The following GPD2 variants were observed in gnomAD, a reference collection of about 807,000 sequenced individuals.
The protein encoded by GPD2 is glycerol-3-phosphate dehydrogenase, mitochondrial.
In GPD2, 54 loss-of-function variants were observed where a neutral mutation model predicts 82.4. That is an observed-to-expected ratio of 0.66 (90% confidence interval 0.53 to 0.82). GPD2 has a LOEUF of 0.82. Among genes scored for constraint, GPD2 ranks in the 40% least tolerant of loss-of-function variants. GPD2 has a pLI of 0.00. For missense variants in GPD2, 748 were observed against 896.2 expected, an observed-to-expected ratio of 0.83 and a Z score of 2.11; for synonymous variants, 288 against 306.1, an observed-to-expected ratio of 0.94 and a Z score of 0.62.
In GPD2 at chr2:156,549,713, C is replaced by A. The variant is rs368542899; in HGVS notation, c.767C>A (p.Thr256Lys). Reference sequence around the variant, plus strand: ...GAGGTAGTGAGCTTGCTCAAGAAGACAGACCCCCAGACAGGGAAAGTGCGT... The same window carrying A: ...GAGGTAGTGAGCTTGCTCAAGAAGAAAGACCCCCAGACAGGGAAAGTGCGT... ...YMEVVSLLKK[T>K]DPQTGKVRVS... Residue 256 changes from threonine to lysine, a missense_variant, in exon 7 of 17, where the codon ACA becomes AAA. Transcript: ENST00000438166. 6.2e-7 allele frequency: 1 copy of A among 1,613,896 alleles called. No individual in the cohort carries two copies. The highest frequency in any genetic ancestry group is 1.3e-5 in the African/African-American group (1 of 74,938).
chr2:156,530,451 G>C (rs1685806127), intron 6 of GPD2, among the ~76,000 whole-genome samples: 2 of 151,318 alleles, frequency 1.3e-5, no homozygotes, highest in South Asian at 4.2e-4. Context: ...GCCCTGGCCA[G>C]AACTTCCAAC....
intron 6 of GPD2, among the ~76,000 whole-genome samples, chr2:156,537,527 G>A (rs1051186064): frequency 2.6e-5 from 4 of 152,088 alleles, no homozygotes; most frequent in Non-Finnish European, 5.9e-5. Context: ...TAAGTCATAC[G>A]TTTTCAATTT....
chr2:156,446,995 T>C (rs1028927331), intron 1 of GPD2, among the ~76,000 whole-genome samples: 4 of 152,148 alleles, frequency 2.6e-5, no homozygotes, highest in Admixed American at 2.6e-4. Context: ...GTTGATGCTT[T>C]CCCCCGTACT....
chr2:156,499,869 G>C (rs1488452832), intron 3 of GPD2, among the ~76,000 whole-genome samples: 1 of 150,954 alleles, frequency 6.6e-6, no homozygotes, highest in Non-Finnish European at 1.5e-5. Context: ...AACCAGCTCT[G>C]AGAATAGTAA....
intron 8 of GPD2, among the ~76,000 whole-genome samples, chr2:156,552,338 A>G (rs1686789020): frequency 6.6e-6 from 1 of 152,212 alleles, no homozygotes; most frequent in African/African-American, 2.4e-5. Context: ...CTTAGTTCAA[A>G]TGAAAAGGAG....
intron 9 of GPD2, among the ~76,000 whole-genome samples, chr2:156,561,373 A>T (rs1014163297): frequency 5.9e-5 from 9 of 152,000 alleles, no homozygotes; most frequent in East Asian, 1.9e-4. Flanking sequence ...GCTAGTTAGT[A>T]TTGGAGCCAT....
At chr2:156,545,693 T>C (rs548894476) in intron 6 of GPD2, among the ~76,000 whole-genome samples, 2 of 152,236 alleles carry the variant, frequency 1.3e-5, no homozygotes, top group African/African-American at 4.8e-5. Flanking sequence ...GTTTTAGACC[T>C]GAAGAAACAA....
intron 6 of GPD2, among the ~76,000 whole-genome samples, chr2:156,527,154 A>G (rs1019151113): frequency 6.6e-6 from 1 of 152,172 alleles, no homozygotes; most frequent in African/African-American, 2.4e-5. Flanking sequence ...CCAGCCTGGT[A>G]TTAAGCATCT....
At chr2:156,538,738 G>A (rs1573977596) in intron 6 of GPD2, among the ~76,000 whole-genome samples, 1 of 149,618 alleles carries the variant, frequency 6.7e-6, no homozygotes, top group Admixed American at 6.7e-5. Flanking sequence ...GGAGAATGGT[G>A]TGAATCCAGG....
At chr2:156,411,276 A>G in the GPD2 span, among the ~76,000 whole-genome samples, 1 of 152,156 alleles carries the variant, frequency 6.6e-6, no homozygotes, top group Non-Finnish European at 1.5e-5. Context: ...CTTCATTTGT[A>G]TAACTTTCCA....
At chr2:156,407,392 T>TC in the GPD2 span, among the ~76,000 whole-genome samples, 1 of 152,120 alleles carries the variant, frequency 6.6e-6, no homozygotes, top group African/African-American at 2.4e-5. Flanking sequence ...TATCCTTTTC[T>TC]CCCCCCAGAA....
At position 156,582,804 on chromosome 2, in the gene GPD2, T is replaced by C. The variant is rs766745379; in HGVS notation, c.2070T>C (p.Ala690=). 1 of 1,613,042 alleles carries C rather than the reference T, an allele frequency of 6.2e-7. No individual in the cohort carries two copies. The highest frequency in any genetic ancestry group is 8.5e-7 in the Non-Finnish European group (1 of 1,179,174). ...ATTTTCTCTTTAAGCTGATGAGTGC[T>C]ATTCAAAAAGGAAGGGTATCTGGAA... ...ELNEFLQLMS[A]IQKGRVSGSR... The change falls in exon 17 of 17, where the codon GCT becomes GCC. Residue 690 remains alanine, a synonymous_variant. Transcript: ENST00000438166.
chr2:156,546,386 G>A (rs1011787607), intron 6 of GPD2, among the ~76,000 whole-genome samples: 2 of 152,158 alleles, frequency 1.3e-5, no homozygotes, highest in African/African-American at 4.8e-5. Flanking sequence ...ATTACAGGAG[G>A]CATAGAGTTA....
chr2:156,559,322 T>A (rs902852239), intron 9 of GPD2, among the ~76,000 whole-genome samples: 3 of 152,218 alleles, frequency 2.0e-5, no homozygotes, highest in Non-Finnish European at 4.4e-5. Context: ...TGTTTTGAAT[T>A]AAAATAAGTT....
intron 2 of GPD2, among the ~76,000 whole-genome samples, chr2:156,494,197 T>C (rs1225008281): frequency 2.0e-5 from 3 of 152,302 alleles, no homozygotes; most frequent in Middle Eastern, 3.4e-3. Context: ...TGAAATTTAG[T>C]AAAACATGTT....
rs970091832 is a variant in GPD2, at chr2:156,529,756, T to C, written c.661+16260T>C. ...CAAAGATCAGATAGTTGTAGATATG[T>C]GGCGTTATTTCTGAGGGCTCTGTTC... On this transcript the variant is annotated intron_variant, in intron 6 of 16. Transcript: ENST00000438166. 4.0e-5 allele frequency among the ~76,000 whole-genome samples: 6 copies of C among 151,044 alleles called. No homozygotes were observed. In the South Asian group the frequency reaches 6.3e-4, roughly 16 times the overall value.
chr2:156,520,877 T>C (rs1399785254), intron 6 of GPD2, among the ~76,000 whole-genome samples: 1 of 152,198 alleles, frequency 6.6e-6, no homozygotes, highest in African/African-American at 2.4e-5. Flanking sequence ...TGAGCCACCA[T>C]GCCCGGCTGT....
chr2:156,426,702 A>G, the GPD2 span, among the ~76,000 whole-genome samples: 1 of 152,194 alleles, frequency 6.6e-6, no homozygotes, highest in Non-Finnish European at 1.5e-5. Context: ...TTCCTGAACT[A>G]CATGTAGCTC....
At chr2:156,484,967 A>G (rs1010683137) in intron 2 of GPD2, among the ~76,000 whole-genome samples, 2 of 152,186 alleles carry the variant, frequency 1.3e-5, no homozygotes, top group African/African-American at 4.8e-5. Flanking sequence ...CTCTGCTTCT[A>G]TGAGTTCGAC....
Sources: gnomAD v4.1 joint callset for allele counts (sites outside exome capture counted in the v4.1 genomes callset) on GRCh38, gnomAD v4.1.1 for gene constraint, MANE v1.5 for transcripts, NCBI Gene and HGNC (gene_info 2026-07-23, HGNC 2026-07-21) for gene names.